The following ZNF529 variants were observed in gnomAD, a reference collection of about 807,000 sequenced individuals.
ZNF529 encodes the protein zinc finger protein 529.
ZNF529 carries 11 observed loss-of-function variants against 10.1 expected under a neutral mutation model. The observed-to-expected ratio is 1.09, with a 90% CI of 0.69 to 1.81. The LOEUF (loss-of-function observed/expected upper bound fraction) is 1.81, where lower values mean the gene tolerates loss of function less well. Ranked by LOEUF, ZNF529 falls within the 40% of genes most tolerant of loss-of-function variation. The probability of loss-of-function intolerance (pLI) is 0.00; values close to 1 mark genes in which losing one functional copy is unlikely to be tolerated. For synonymous variants in ZNF529, 204 were observed against 215.7 expected (o/e 0.95, Z 0.47); for missense variants, 624 against 666.8 (o/e 0.94, Z 0.71).
intron 2 of ZNF529, among the ~76,000 whole-genome samples, chr19:36,565,292 C>T (rs1252790944): frequency 6.6e-6 from 1 of 152,030 alleles, no homozygotes; most frequent in African/African-American, 2.4e-5. Context: ...CTAAAACATA[C>T]CCAAGTAAAC....
rs1270139905 is a variant in ZNF529 at position 36,544,726 on chromosome 19, A to G, written c.*2140T>C. ...AGGACATGAAACAACAACCAATTAC[A>G]TATCTTTTAAAACTACTTGAATAAG... is the stretch of plus-strand genomic sequence containing the variant. On this transcript the variant is annotated 3_prime_UTR_variant, in exon 5 of 5. Transcript: ENST00000591340. 3 of 152,226 alleles carry G rather than the reference A, an allele frequency of 2.0e-5. No individual in the cohort carries two copies. Among genetic ancestry groups the G allele is most frequent in the Non-Finnish European group, 2.9e-5 (2 of 68,048 alleles). The allele number at this position is 152,226 out of a possible 1,614,324, so 9.4% of individuals were successfully genotyped here. A position where few individuals can be genotyped will look rare whatever the true frequency, so the allele number is the denominator to read the frequency against.
chr19:36,575,833 GT>G (rs543598010), upstream of ZNF529, among the ~76,000 whole-genome samples: 14 of 147,696 alleles, frequency 9.5e-5, no homozygotes, highest in Admixed American at 2.7e-4. Flanking sequence ...TTTCACATGT[GT>G]TTTTTTTTTG....
intron 1 of ZNF529, among the ~76,000 whole-genome samples, chr19:36,591,649 C>T (rs976306308): frequency 6.6e-6 from 1 of 150,958 alleles, no homozygotes; most frequent in African/African-American, 2.4e-5. Flanking sequence ...GGTGTGAACC[C>T]GGGAGGCGGA....
chr19:36,601,754 T>C (rs1469574090), intron 1 of ZNF529, among the ~76,000 whole-genome samples: 1 of 152,044 alleles, frequency 6.6e-6, no homozygotes, highest in Non-Finnish European at 1.5e-5. Context: ...TTGCCCAAAT[T>C]CACACACAGT....
At chr19:36,602,050 C>T (rs1010895830) in intron 1 of ZNF529, among the ~76,000 whole-genome samples, 3 of 66,088 alleles carry the variant, frequency 4.5e-5, no homozygotes, top group Non-Finnish European at 1.0e-4. Flanking sequence ...CTGAACGCTA[C>T]AATTTTTTTT....
At chr19:36,555,207 A>T (rs1260664094) in intron 3 of ZNF529, among the ~76,000 whole-genome samples, 1 of 152,154 alleles carries the variant, frequency 6.6e-6, no homozygotes, top group Non-Finnish European at 1.5e-5. Context: ...AAAATTAAAG[A>T]TTTCTTGTAG....
chr19:36,601,257 C>T (rs1461471392), intron 1 of ZNF529, among the ~76,000 whole-genome samples: 1 of 151,902 alleles, frequency 6.6e-6, no homozygotes, highest in African/African-American at 2.4e-5. Context: ...ACGCCCACCA[C>T]CACACCTGGC....
intron 4 of ZNF529, chr19:36,551,842 A>T (rs1350331241): frequency 2.0e-5 from 3 of 152,142 alleles, no homozygotes; most frequent in African/African-American, 7.2e-5. Context: ...ATTCTTATAC[A>T]TATCACTATA....
intron 2 of ZNF529, among the ~76,000 whole-genome samples, chr19:36,560,369 C>T (rs765769930): frequency 1.1e-4 from 17 of 150,694 alleles, no homozygotes; most frequent in Admixed American, 6.6e-4. Flanking sequence ...TTTTATGAAA[C>T]GTGTACTTAT....
At position 36,546,059 on chromosome 19, in the gene ZNF529, G is replaced by GTATATATACATATATATATA. The variant is rs375987417; in HGVS notation, c.*806_*807insTATATATATATGTATATATA. On this transcript the variant is annotated 3_prime_UTR_variant, in exon 5 of 5. Transcript: ENST00000591340. ...ATATACATATATTGTGTGTGTGTGTGTGTATATATATATATATATATAGTG... is the reference window on the plus strand; with the variant it reads ...ATATACATATATTGTGTGTGTGTGTGTATATATACATATATATATATGTATATATATATATATATATAGTG... 2.4e-5 allele frequency: 3 copies of GTATATATACATATATATATA among 125,332 alleles called. No homozygotes were observed. The highest frequency in any genetic ancestry group is 5.3e-5 in the Non-Finnish European group (3 of 56,434). The allele number at this position is 125,332 out of a possible 1,614,324, so 7.8% of individuals were successfully genotyped here.
chr19:36,570,663 C>A (rs2052728), intron 2 of ZNF529, among the ~76,000 whole-genome samples: 105,420 of 152,076 alleles, frequency 0.69, 36,956 homozygotes, highest in African/African-American at 0.79. Flanking sequence ...GAGTCCTTCT[C>A]GCAAATCATT....
At position 36,547,633 on chromosome 19, in the gene ZNF529, T is replaced by C. The variant is rs748465313; in HGVS notation, c.925A>G (p.Thr309Ala). The stretch of plus-strand genomic sequence containing the variant: ...TTGCCACATTCCATACATTTGTAAG[T>C]TTTCTCATCAGTATGGATTTTCTGA... ...RHQKIHTDEK[T>A]YKCMECGKDF... The change falls in exon 5 of 5, where the codon ACT (threonine) becomes GCT (alanine). Residue 309 changes from threonine to alanine, a missense_variant. By Grantham distance (58) the Thr-to-Ala change is moderately conservative (BLOSUM62 0). Transcript: ENST00000591340. The C allele has an allele frequency of 6.2e-7, 1 of 1,613,728 alleles. No homozygotes were observed.
upstream of ZNF529, among the ~76,000 whole-genome samples, chr19:36,578,145 A>G (rs1218933141): frequency 1.4e-5 from 2 of 141,172 alleles, no homozygotes; most frequent in African/African-American, 5.4e-5. Context: ...GCTCACTGCA[A>G]CCTCCGCCTC....
intron 2 of ZNF529, among the ~76,000 whole-genome samples, chr19:36,589,047 G>C (rs570721898): frequency 4.0e-5 from 6 of 151,650 alleles, no homozygotes; most frequent in African/African-American, 1.5e-4. Flanking sequence ...GGGCTCAAGT[G>C]AGCCTTTCAC....
rs1280631319 is a variant in ZNF529 at position 36,572,328 on chromosome 19, C to G, written c.14+5G>C. ...CCAGGTAAATGAACAAAAAAAAAAA[C>G]TAACCTTGAGTTGGCCATTAGTACC... On this transcript the variant is annotated splice_donor_5th_base_variant and intron_variant, in intron 2 of 4. Transcript: ENST00000591340. The G allele has an allele frequency of 6.5e-7, 1 of 1,529,416 alleles. No individual in the cohort carries two copies. Among genetic ancestry groups the G allele is most frequent in the South Asian group, 1.2e-5 (1 of 80,932 alleles). The allele number at this position is 1,529,416 out of a possible 1,614,324, so 94.7% of individuals were successfully genotyped here.
upstream of ZNF529, among the ~76,000 whole-genome samples, chr19:36,578,226 A>G (rs542439835): frequency 1.4e-5 from 2 of 141,814 alleles, no homozygotes; most frequent in Non-Finnish European, 1.5e-5. Context: ...CACCGCACGC[A>G]GCTAATTTTT....
In ZNF529 at chr19:36,546,684, C is replaced by G. The variant is rs765389144; in HGVS notation, c.*182G>C. The G allele has an allele frequency of 7.2e-6, 4 of 551,872 alleles. No individual in the cohort carries two copies. The highest frequency in any genetic ancestry group is 1.1e-5 in the Non-Finnish European group (4 of 348,694). The allele number at this position is 551,872 out of a possible 1,614,324, so 34.2% of individuals were successfully genotyped here. A position where few individuals can be genotyped will look rare whatever the true frequency, so the allele number is the denominator to read the frequency against. ...AGGAGAAATATTTGGCAACATCTAACAAAGCTATAAGTATATATCAGCTAT... is the reference window on the plus strand; with the variant it reads ...AGGAGAAATATTTGGCAACATCTAAGAAAGCTATAAGTATATATCAGCTAT... On this transcript the variant is annotated 3_prime_UTR_variant, in exon 5 of 5. Coordinates refer to ENST00000591340, the MANE Select transcript of ZNF529 (RefSeq NM_020951.5).
upstream of ZNF529, chr19:36,574,892 G>A (rs1175350392): frequency 4.2e-6 from 2 of 471,120 alleles, no homozygotes; most frequent in Non-Finnish European, 8.8e-6. Flanking sequence ...AAAAGTTGCT[G>A]GGTAATTGGT....
At chr19:36,577,311 T>C (rs1267484400), upstream of ZNF529, 2 of 345,142 alleles carry the variant, frequency 5.8e-6, no homozygotes, top group Non-Finnish European at 1.2e-5. Context: ...TAACAGTATA[T>C]GGGAAGAGGG....
Sources: gnomAD v4.1 joint callset for allele counts (sites outside exome capture counted in the v4.1 genomes callset) on GRCh38, gnomAD v4.1.1 for gene constraint, MANE v1.5 for transcripts, NCBI Gene and HGNC (gene_info 2026-07-23, HGNC 2026-07-21) for gene names.